The following HDAC4 variants were observed in gnomAD, a reference collection of about 807,000 sequenced individuals.
The protein encoded by HDAC4 is histone deacetylase 4, also known as histone deacetylase A.
Under a neutral mutation model 135.1 loss-of-function variants are expected in HDAC4, and 16 were observed. The ratio of observed to expected loss-of-function variants is 0.12; its 90% CI spans 0.08 to 0.18. The LOEUF is 0.18. Among genes scored for constraint, HDAC4 ranks in the 10% least tolerant of loss-of-function variants. HDAC4 has a pLI of 1.00. For synonymous variants in HDAC4, 685 were observed against 653.4 expected (o/e 1.05, Z -0.74); for missense variants, 1,143 against 1,511.8 (o/e 0.76, Z 4.05).
intron 1 of HDAC4, among the ~76,000 whole-genome samples, chr2:239,364,558 C>T (rs554823946): frequency 5.4e-5 from 8 of 147,958 alleles, no homozygotes; most frequent in South Asian, 2.1e-4. Context: ...AACAAGGGAG[C>T]GGTGGCGGGG....
chr2:239,332,190 CAG>C (rs1260873861), intron 2 of HDAC4, among the ~76,000 whole-genome samples: 1 of 152,086 alleles, frequency 6.6e-6, no homozygotes, highest in African/African-American at 2.4e-5. Context: ...CACTATCTGA[CAG>C]AAAAGCAGAC....
At chr2:239,086,468 C>G (rs969111290) in intron 19 of HDAC4, among the ~76,000 whole-genome samples, 4 of 151,976 alleles carry the variant, frequency 2.6e-5, no homozygotes, top group Non-Finnish European at 5.9e-5. Flanking sequence ...CTGACTGTCT[C>G]TCACGTACAA....
rs78345739 is a variant in HDAC4 at position 239,244,571 on chromosome 2, G to A, written c.23-7907C>T. 4.3e-4 allele frequency among the ~76,000 whole-genome samples: 66 copies of A among 152,308 alleles called. 1 individual carries two copies. In the East Asian group the frequency reaches 0.012, roughly 28 times the overall value. ...AGTAGAATTTTACTGGCACTCTGAT[G>A]CCCTTGTTCAATTAAATTATAAAAG... On this transcript the variant is annotated intron_variant, in intron 2 of 26. Coordinates refer to ENST00000543185, the MANE Select transcript of HDAC4 (RefSeq NM_001378414.1).
chr2:239,235,718 T>C (rs1191315928), intron 3 of HDAC4, among the ~76,000 whole-genome samples: 8 of 152,236 alleles, frequency 5.3e-5, no homozygotes, highest in Non-Finnish European at 1.0e-4. Context: ...TCTGTTTCCA[T>C]GGCCTATAGA....
At chr2:239,226,905 A>G (rs1271648450) in intron 3 of HDAC4, among the ~76,000 whole-genome samples, 1 of 152,220 alleles carries the variant, frequency 6.6e-6, no homozygotes, top group Non-Finnish European at 1.5e-5. Flanking sequence ...GGTCAAAAAT[A>G]ACAGAGTGAA....
At chr2:239,165,920 T>C (rs1288782947) in intron 5 of HDAC4, among the ~76,000 whole-genome samples, 1 of 152,236 alleles carries the variant, frequency 6.6e-6, no homozygotes, top group Non-Finnish European at 1.5e-5. Context: ...GTTCTGGTGC[T>C]GGGTTTTCAT....
intron 2 of HDAC4, among the ~76,000 whole-genome samples, chr2:239,297,389 G>A (rs2051971412): frequency 6.6e-6 from 1 of 152,194 alleles, no homozygotes; most frequent in Admixed American, 6.5e-5. Context: ...AGCCACAAAG[G>A]TCCCCGCTAG....
Position 239,308,744 on chromosome 2 carries a change from C to A in HDAC4, c.22+43934G>T, listed in dbSNP as rs1014992158. Among the ~76,000 whole-genome samples the A allele has an allele frequency of 9.2e-5, 14 of 152,272 alleles. No individual in the cohort carries two copies. The highest frequency in any genetic ancestry group is 1.6e-4 in the Non-Finnish European group (11 of 68,012). On this transcript the variant is annotated intron_variant, in intron 2 of 26. Transcript: ENST00000543185. The surrounding 1 kb of genome is among the most constrained non-coding windows in gnomAD (Gnocchi z 4.2). ...CTCCGAATCTGCTAACGTGAAGTGC[C>A]AAGACTGCTGTCCGCCAGCGCCCTC...
At chr2:239,173,240 T>C (rs1028409334) in intron 5 of HDAC4, among the ~76,000 whole-genome samples, 2 of 152,280 alleles carry the variant, frequency 1.3e-5, no homozygotes, top group Admixed American at 6.5e-5. Flanking sequence ...AGGAACACAG[T>C]TGCAATCATA....
chr2:239,138,312 A>G (rs1024445981), intron 9 of HDAC4, among the ~76,000 whole-genome samples: 1 of 152,242 alleles, frequency 6.6e-6, no homozygotes, highest in African/African-American at 2.4e-5. Context: ...CGTTCTGAGC[A>G]GTAATTCTAG....
At chr2:239,342,384 C>T (rs1692348075) in intron 2 of HDAC4, among the ~76,000 whole-genome samples, 1 of 152,098 alleles carries the variant, frequency 6.6e-6, no homozygotes, top group Admixed American at 6.6e-5. Context: ...AAAGAAAAAA[C>T]TCCCCCAGTT....
At chr2:239,063,882 A>G (rs1264250826) in intron 24 of HDAC4, among the ~76,000 whole-genome samples, 1 of 152,218 alleles carries the variant, frequency 6.6e-6, no homozygotes, top group Admixed American at 6.5e-5. Context: ...AGTCTGGGTC[A>G]AGGCCCCATG....
intron 2 of HDAC4, among the ~76,000 whole-genome samples, chr2:239,271,426 G>C (rs1388357136): frequency 6.6e-6 from 1 of 152,206 alleles, no homozygotes; most frequent in Admixed American, 6.5e-5. Flanking sequence ...GTGCTCGGTC[G>C]GCTTAGTGTG....
chr2:239,136,050 T>C lies in HDAC4; in HGVS notation c.979-1407A>G, dbSNP rs749247732. Among the ~76,000 whole-genome samples, 102 of 152,112 alleles carry C rather than the reference T, an allele frequency of 6.7e-4. 3 individuals are homozygous for C. Among genetic ancestry groups the C allele is most frequent in the Admixed American group, 4.6e-3 (71 of 15,272 alleles). On this transcript the variant is annotated intron_variant, in intron 9 of 26. Transcript: ENST00000543185. ...GAACGTGTTTTGCTAAAAAGGACAA[T>C]AGTTTATCACCACTATATCCCCTAC...
chr2:239,317,448 AG>A (rs1267369072), intron 2 of HDAC4, among the ~76,000 whole-genome samples: 7 of 152,116 alleles, frequency 4.6e-5, no homozygotes, highest in Admixed American at 2.0e-4. Flanking sequence ...AGGCCAGGAC[AG>A]GGTAAGTACA....
chr2:239,077,982 G>C (rs1346037131), intron 22 of HDAC4, among the ~76,000 whole-genome samples: 1 of 152,210 alleles, frequency 6.6e-6, no homozygotes, highest in East Asian at 1.9e-4. Flanking sequence ...TCCAGTTTCA[G>C]AGACATCTTT....
At chr2:239,301,471 C>T (rs56350162) in intron 2 of HDAC4, among the ~76,000 whole-genome samples, 79,779 of 133,430 alleles carry the variant, frequency 0.6, 22,547 homozygotes, top group East Asian at 0.87. Context: ...TGCTTTCTTT[C>T]TTTTTTTTTT....
At position 239,087,790 on chromosome 2, in the gene HDAC4, G is replaced by A. The variant is rs1004582396; in HGVS notation, c.2389-176C>T. On this transcript the variant is annotated intron_variant, in intron 18 of 26. Coordinates refer to ENST00000543185, the MANE Select transcript of HDAC4 (RefSeq NM_001378414.1). ...TGCAGGGCCAGCTGGGAGCCTTTCC[G>A]GGAAGCCTGGGCCCTTCTCCTAAAG... Among the ~76,000 whole-genome samples, 8 of 152,202 alleles carry A rather than the reference G, an allele frequency of 5.3e-5. No homozygotes were observed. The South Asian group carries it at 6.2e-4, about 12-fold the overall frequency.
intron 2 of HDAC4, among the ~76,000 whole-genome samples, chr2:239,272,678 C>T (rs1177661767): frequency 6.6e-6 from 1 of 152,218 alleles, no homozygotes; most frequent in Non-Finnish European, 1.5e-5. Flanking sequence ...GACTGTCAAA[C>T]CCAGCATCGG....
Sources: gnomAD v4.1 joint callset for allele counts (sites outside exome capture counted in the v4.1 genomes callset) on GRCh38, gnomAD v4.1.1 for gene constraint, Gnocchi (gnomAD v3.1) non-coding constraint, MANE v1.5 for transcripts, NCBI Gene and HGNC (gene_info 2026-07-23, HGNC 2026-07-21) for gene names.